BRIP1: variants seen among roughly 807,000 people sequenced by gnomAD.
BRIP1 encodes Fanconi anemia group J protein.
A neutral mutation model predicts 119.7 loss-of-function variants in BRIP1; 88 were observed. That is an observed-to-expected ratio of 0.74 (90% confidence interval 0.62 to 0.88). The LOEUF is 0.88. Ranked by LOEUF, BRIP1 falls within the 40% of genes least tolerant of loss-of-function variation. The pLI, the probability that BRIP1 is intolerant of heterozygous loss-of-function variation, is 0.00. For missense variants in BRIP1, 1,259 were observed against 1,455.4 expected (o/e 0.87, Z 2.20); for synonymous variants, 443 against 496.5 (o/e 0.89, Z 1.43).
intron 17 of BRIP1, among the ~76,000 whole-genome samples, chr17:61,711,033 CAAAA>C (rs11308154): frequency 9.0e-6 from 1 of 110,654 alleles, no homozygotes; most frequent in Non-Finnish European, 1.8e-5. Context: ...GACTCCATCT[CAAAA>C]AAAAAAAAAA....
Position 61,860,741 on chromosome 17 carries a change from T to C in BRIP1, c.93+706A>G, listed in dbSNP as rs578187112. 6.6e-6 allele frequency among the ~76,000 whole-genome samples: 1 copy of C among 152,228 alleles called. No homozygotes were observed. Among genetic ancestry groups the C allele is most frequent in the East Asian group, 1.9e-4 (1 of 5,182 alleles). On this transcript the variant is annotated intron_variant, in intron 2 of 19. Transcript: ENST00000259008. This position sits in a 1 kb window ranked among gnomAD's most constrained non-coding sequence, Gnocchi z 4.1. ...TGTAAACAACCTAAATGTCTACCAA[T>C]AAGAAAATGGACAGATAAATTCTGG...
At chr17:61,785,013 C>G (rs2077684610) in intron 10 of BRIP1, among the ~76,000 whole-genome samples, 1 of 152,144 alleles carries the variant, frequency 6.6e-6, no homozygotes, top group Non-Finnish European at 1.5e-5. Context: ...TAGCAAAATT[C>G]TCCTCAGAGT....
Position 61,824,521 on chromosome 17 carries a change from A to G in BRIP1, c.628-15764T>C, listed in dbSNP as rs2078375956. ...AAAGCAAACCCCCACATATATGGTC[A>G]AATAATTTTCAGCAGCCTATCAAGA... On this transcript the variant is annotated intron_variant, in intron 6 of 19. Coordinates refer to ENST00000259008, the MANE Select transcript of BRIP1 (RefSeq NM_032043.3). The surrounding 1 kb of genome is among the most constrained non-coding windows in gnomAD (Gnocchi z 4.3). Among the ~76,000 whole-genome samples, 1 of 152,240 alleles carries G rather than the reference A, an allele frequency of 6.6e-6. No individual in the cohort carries two copies. Among genetic ancestry groups the G allele is most frequent in the Non-Finnish European group, 1.5e-5 (1 of 68,038 alleles).
At position 61,818,978 on chromosome 17, in the gene BRIP1, T is replaced by C. The variant is rs903714972; in HGVS notation, c.628-10221A>G. On this transcript the variant is annotated intron_variant, in intron 6 of 19. Coordinates refer to ENST00000259008, the MANE Select transcript of BRIP1 (RefSeq NM_032043.3). ...AGGGGGGCAGATCACCTGAGGTCAGTAGTTCGAGACCAGCCTGGCCAACTT... is the reference window on the plus strand; with the variant it reads ...AGGGGGGCAGATCACCTGAGGTCAGCAGTTCGAGACCAGCCTGGCCAACTT... Among the ~76,000 whole-genome samples, 6 of 151,900 alleles carry C rather than the reference T, an allele frequency of 3.9e-5. No homozygotes were observed. The South Asian group carries it at 1.3e-3, about 32-fold the overall frequency.
Position 61,704,290 on chromosome 17 carries a change from G to T in BRIP1, c.2493-10778C>A, listed in dbSNP as rs1005343772. Among the ~76,000 whole-genome samples the T allele has an allele frequency of 6.6e-6, 1 of 152,028 alleles. No individual in the cohort carries two copies. The highest frequency in any genetic ancestry group is 1.5e-5 in the Non-Finnish European group (1 of 67,992). ...CTGGTTTGGTTGCTGGTTAATTCTG[G>T]TCTCATAAAATAAATTGGGAAGGAT... On this transcript the variant is annotated intron_variant, in intron 17 of 19. Transcript: ENST00000259008. This position sits in a 1 kb window ranked among gnomAD's most constrained non-coding sequence, Gnocchi z 5.7.
chr17:61,773,013 A>G (rs933387071), intron 14 of BRIP1, among the ~76,000 whole-genome samples: 1 of 151,922 alleles, frequency 6.6e-6, no homozygotes, highest in Non-Finnish European at 1.5e-5. Context: ...ACATTATTTA[A>G]TTATGTATAA....
At position 61,832,237 on chromosome 17, in the gene BRIP1, A is replaced by C. The variant is rs1310937122; in HGVS notation, c.627+14864T>G. 1.3e-5 allele frequency among the ~76,000 whole-genome samples: 2 copies of C among 152,234 alleles called. No homozygotes were observed. Among genetic ancestry groups the C allele is most frequent in the Non-Finnish European group, 2.9e-5 (2 of 68,030 alleles). ...GATTGATATATGTCAGAAAGACACA[A>C]GCAACTTAACTGGTTTCCCACTTGA... is the stretch of plus-strand genomic sequence containing the variant. On this transcript the variant is annotated intron_variant, in intron 6 of 19. Transcript: ENST00000259008. This position sits in a 1 kb window ranked among gnomAD's most constrained non-coding sequence, Gnocchi z 5.5.
rs1346085755 is a variant in BRIP1 at position 61,798,168 on chromosome 17, A to T, written c.1340+932T>A. Among the ~76,000 whole-genome samples, 2 of 151,954 alleles carry T rather than the reference A, an allele frequency of 1.3e-5. No individual in the cohort carries two copies. The highest frequency in any genetic ancestry group is 2.9e-5 in the Non-Finnish European group (2 of 67,912). On this transcript the variant is annotated intron_variant, in intron 9 of 19. Coordinates refer to ENST00000259008, the MANE Select transcript of BRIP1 (RefSeq NM_032043.3). This position sits in a 1 kb window ranked among gnomAD's most constrained non-coding sequence, Gnocchi z 5.5. ...TATTAATCAGAGGCTGGTTAAATAA[A>T]CTATTGCATATCTATCTAATGGAAT...
At chr17:61,813,628 T>C (rs2078195838) in intron 6 of BRIP1, among the ~76,000 whole-genome samples, 1 of 152,096 alleles carries the variant, frequency 6.6e-6, no homozygotes, top group South Asian at 2.1e-4. Context: ...AAAAACCATC[T>C]TATGCTAGTA....
intron 6 of BRIP1, among the ~76,000 whole-genome samples, chr17:61,818,968 C>A (rs1043571368): frequency 1.3e-5 from 2 of 151,918 alleles, no homozygotes; most frequent in African/African-American, 4.8e-5. Flanking sequence ...GGCAGATCAC[C>A]TGAGGTCAGT....
Position 61,815,885 on chromosome 17 carries a change from C to T in BRIP1, c.628-7128G>A, listed in dbSNP as rs948777046. Among the ~76,000 whole-genome samples, 1 of 152,218 alleles carries T rather than the reference C, an allele frequency of 6.6e-6. No individual in the cohort carries two copies. The highest frequency in any genetic ancestry group is 2.4e-5 in the African/African-American group (1 of 41,464). On this transcript the variant is annotated intron_variant, in intron 6 of 19. Transcript: ENST00000259008. This position sits in a 1 kb window ranked among gnomAD's most constrained non-coding sequence, Gnocchi z 4.1. ...AAAAGGGTTTTTTAATCTTTATCAA[C>T]CATTTGCTGTTGTCCAAGCCATCTA...
rs113052745 is a variant in BRIP1 at position 61,861,432 on chromosome 17, C to T, written c.93+15G>A. 4.5e-5 allele frequency: 71 copies of T among 1,572,564 alleles called. 1 individual carries two copies. In the Middle Eastern group the frequency reaches 6.7e-4, roughly 15 times the overall value. On this transcript the variant is annotated intron_variant, in intron 2 of 19. Transcript: ENST00000259008. This position sits in a 1 kb window ranked among gnomAD's most constrained non-coding sequence, Gnocchi z 4.5. ...CTATATCTTAATAAAAACTTAACTG[C>T]TGAAAAATACTTACAGAATTCATCA...
In BRIP1 at chr17:61,778,237, C is replaced by T. The variant is rs867213861; in HGVS notation, c.1936-1675G>A. 2.6e-5 allele frequency among the ~76,000 whole-genome samples: 4 copies of T among 152,048 alleles called. No individual in the cohort carries two copies. Among genetic ancestry groups the T allele is most frequent in the Non-Finnish European group, 4.4e-5 (3 of 68,014 alleles). On this transcript the variant is annotated intron_variant, in intron 13 of 19. Transcript: ENST00000259008. The surrounding 1 kb of genome is among the most constrained non-coding windows in gnomAD (Gnocchi z 4.4). ...AAGTAAAATAAGCCAGTCACAAAAA[C>T]GACAAATATTTTATGATTCCACTTA... is the stretch of plus-strand genomic sequence containing the variant.
rs142653876 is a variant in BRIP1, at chr17:61,855,423, C to T, written c.379+1635G>A. 1.7e-3 allele frequency among the ~76,000 whole-genome samples: 252 copies of T among 151,674 alleles called. 1 individual carries two copies. The highest frequency in any genetic ancestry group is 5.9e-3 in the African/African-American group (245 of 41,384). On this transcript the variant is annotated intron_variant, in intron 4 of 19. Coordinates refer to ENST00000259008, the MANE Select transcript of BRIP1 (RefSeq NM_032043.3). ...TAAAATCCTGTCCCTACTAAAAATACAAAAAATTAGCTGGGTGTGGTGGCA... is the reference window on the plus strand; with the variant it reads ...TAAAATCCTGTCCCTACTAAAAATATAAAAAATTAGCTGGGTGTGGTGGCA...
chr17:61,697,173 G>A (rs888042765), intron 17 of BRIP1, among the ~76,000 whole-genome samples: 38 of 149,110 alleles, frequency 2.5e-4, no homozygotes, highest in Non-Finnish European at 4.9e-4. Flanking sequence ...GTGAAACCCC[G>A]TCTCTTCTAA....
At position 61,738,720 on chromosome 17, in the gene BRIP1, T is replaced by C. The variant is rs887291316; in HGVS notation, c.2379+4293A>G. On this transcript the variant is annotated intron_variant, in intron 16 of 19. Coordinates refer to ENST00000259008, the MANE Select transcript of BRIP1 (RefSeq NM_032043.3). This position sits in a 1 kb window ranked among gnomAD's most constrained non-coding sequence, Gnocchi z 4.2. ...AAGAGAAATGGAATTTTCTCACAAA[T>C]GTATATTTTTAATTTTAAGAATTTT... 2.0e-5 allele frequency among the ~76,000 whole-genome samples: 3 copies of C among 152,174 alleles called. No individual in the cohort carries two copies. The highest frequency in any genetic ancestry group is 4.8e-5 in the African/African-American group (2 of 41,444).
At chr17:61,747,399 T>A (rs1445430335) in intron 14 of BRIP1, among the ~76,000 whole-genome samples, 1 of 151,350 alleles carries the variant, frequency 6.6e-6, no homozygotes, top group African/African-American at 2.4e-5. Flanking sequence ...AATTGACAAG[T>A]CTTTACCTAG....
chr17:61,862,622 T>A lies in BRIP1; in HGVS notation c.-31+662A>T, dbSNP rs899425503. Among the ~76,000 whole-genome samples the A allele has an allele frequency of 1.3e-5, 2 of 152,148 alleles. No homozygotes were observed. Among genetic ancestry groups the A allele is most frequent in the African/African-American group, 4.8e-5 (2 of 41,428 alleles). ...TGATTGCATTTTTCTGAAGAAAAAG[T>A]CCATAGATTTCTCTTCCCGTAAATA... On this transcript the variant is annotated intron_variant, in intron 1 of 19. Transcript: ENST00000259008. The surrounding 1 kb of genome is among the most constrained non-coding windows in gnomAD (Gnocchi z 5.3).
rs1429115287 is a variant in BRIP1 at position 61,846,873 on chromosome 17, A to G, written c.627+228T>C. On this transcript the variant is annotated intron_variant, in intron 6 of 19. Coordinates refer to ENST00000259008, the MANE Select transcript of BRIP1 (RefSeq NM_032043.3). This position sits in a 1 kb window ranked among gnomAD's most constrained non-coding sequence, Gnocchi z 4.3. ...CAGAACAGAAAAAAATGACTTTCAG[A>G]TCTCTCTCTAGTCCAATTCTCTTAT... is the stretch of plus-strand genomic sequence containing the variant. Among the ~76,000 whole-genome samples the G allele has an allele frequency of 1.3e-5, 2 of 152,188 alleles. No homozygotes were observed. The highest frequency in any genetic ancestry group is 2.9e-5 in the Non-Finnish European group (2 of 68,040).
Sources: gnomAD v4.1 joint callset for allele counts (sites outside exome capture counted in the v4.1 genomes callset) on GRCh38, gnomAD v4.1.1 for gene constraint, Gnocchi (gnomAD v3.1) non-coding constraint, MANE v1.5 for transcripts, NCBI Gene and HGNC (gene_info 2026-07-23, HGNC 2026-07-21) for gene names.